Variants in ZMYND8 observed in about 807,000 individuals in gnomAD.
ZMYND8 encodes the protein zinc finger MYND-type containing 8, also known as MYND-type zinc finger-containing chromatin reader ZMYND8.
Under a neutral mutation model 140.8 loss-of-function variants are expected in ZMYND8, and 37 were observed. The ratio of observed to expected loss-of-function variants is 0.26; its 90% CI spans 0.20 to 0.35. ZMYND8 has a LOEUF of 0.35. ZMYND8 is among the 10% of genes least tolerant of loss of function. The probability of loss-of-function intolerance (pLI) is 1.00; values close to 1 mark genes in which losing one functional copy is unlikely to be tolerated. For missense variants in ZMYND8, 1,068 were observed against 1,570.0 expected (o/e 0.68, Z 5.40); for synonymous variants, 592 against 597.1 (o/e 0.99, Z 0.12).
chr20:47,226,019 T>G (rs2037661932), intron 18 of ZMYND8, among the ~76,000 whole-genome samples: 1 of 151,426 alleles, frequency 6.6e-6, no homozygotes. Flanking sequence ...GGCATGGTGG[T>G]GCATGCCTGT....
At chr20:47,279,771 T>A (rs1034759526) in intron 10 of ZMYND8, among the ~76,000 whole-genome samples, 6 of 149,140 alleles carry the variant, frequency 4.0e-5, no homozygotes, top group South Asian at 2.1e-4. Flanking sequence ...TTTTTTTTTT[T>A]AACTCTGCAG....
intron 11 of ZMYND8, among the ~76,000 whole-genome samples, chr20:47,266,331 G>A (rs994653195): frequency 2.6e-5 from 4 of 152,194 alleles, no homozygotes; most frequent in Admixed American, 2.6e-4. Context: ...CCAGGCTGCA[G>A]TGCAATGGTG....
At chr20:47,230,299 T>TG (rs1311012258) in intron 16 of ZMYND8, among the ~76,000 whole-genome samples, 13 of 151,516 alleles carry the variant, frequency 8.6e-5, no homozygotes, top group African/African-American at 2.7e-4. Context: ...TTTTGTTGTT[T>TG]TTTTTTTTTT....
chr20:47,318,646 G>A (rs1208589353), intron 2 of ZMYND8: 2 of 432,112 alleles, frequency 4.6e-6, no homozygotes, highest in South Asian at 3.3e-5. Context: ...AACGCTGACC[G>A]TCTCTTAGAC....
At chr20:47,307,570 T>A (rs1040004529) in intron 3 of ZMYND8, among the ~76,000 whole-genome samples, 1 of 151,562 alleles carries the variant, frequency 6.6e-6, no homozygotes, top group Non-Finnish European at 1.5e-5. Context: ...CAAGACCCCA[T>A]CTCTTAAAAA....
At position 47,298,359 on chromosome 20, in the gene ZMYND8, GC is replaced by G; in HGVS notation, c.453+369del. The G allele has an allele frequency of 1.0e-6, 1 of 985,358 alleles. No individual in the cohort carries two copies. Among genetic ancestry groups the G allele is most frequent in the Non-Finnish European group, 1.2e-6 (1 of 829,922 alleles). The allele number at this position is 985,358 out of a possible 1,614,324, so 61.0% of individuals were successfully genotyped here. A position where few individuals can be genotyped will look rare whatever the true frequency, so the allele number is the denominator to read the frequency against. On this transcript the variant is annotated intron_variant, in intron 4 of 22. Transcript: ENST00000471951. The surrounding 1 kb of genome is among the most constrained non-coding windows in gnomAD (Gnocchi z 5.0). ...TGCTGATGATTCAATGATGCGGCAG[GC>G]AACAACATCCAAGACGGAGAAAACA...
chr20:47,280,147 T>C (rs1230780060), intron 10 of ZMYND8, among the ~76,000 whole-genome samples: 1 of 135,864 alleles, frequency 7.4e-6, no homozygotes. Context: ...AAAAAAAGAA[T>C]GGTGGTCAGA....
At chr20:47,343,595 T>A (rs1440886314) in intron 2 of ZMYND8, among the ~76,000 whole-genome samples, 2 of 152,130 alleles carry the variant, frequency 1.3e-5, no homozygotes, top group African/African-American at 4.8e-5. Flanking sequence ...CACTGCAACC[T>A]CCGCCTCTCG....
At chr20:47,344,696 G>A (rs1378461682) in intron 2 of ZMYND8, among the ~76,000 whole-genome samples, 1 of 152,236 alleles carries the variant, frequency 6.6e-6, no homozygotes, top group African/African-American at 2.4e-5. Context: ...AGTGTATGAT[G>A]TTAATAATAG....
At chr20:47,295,431 G>A (rs1318489864) in intron 4 of ZMYND8, among the ~76,000 whole-genome samples, 6 of 151,970 alleles carry the variant, frequency 3.9e-5, no homozygotes, top group African/African-American at 9.7e-5. Flanking sequence ...TAAAGGCCAC[G>A]GATGATTTCA....
At chr20:47,349,668 A>C (rs2082612935) in intron 1 of ZMYND8, among the ~76,000 whole-genome samples, 1 of 152,206 alleles carries the variant, frequency 6.6e-6, no homozygotes, top group East Asian at 1.9e-4. Flanking sequence ...CTTCAAAGGA[A>C]CAAATAGCAA....
At chr20:47,224,673 G>A (rs2037432441) in intron 18 of ZMYND8, 117 bp from the exon 19 acceptor site, 2 of 1,535,724 alleles carry the variant, frequency 1.3e-6, no homozygotes, top group African/African-American at 2.7e-5. Flanking sequence ...GAGAAGCCCT[G>A]GCTGTGTGCC....
At chr20:47,356,506 CAAA>C in intron 1 of ZMYND8, 148 bp downstream of exon 1, 1 of 1,602,818 alleles carries the variant, frequency 6.2e-7, no homozygotes, top group Non-Finnish European at 8.5e-7. Flanking sequence ...CCCAAGAAAG[CAAA>C]AAAATTCTCT....
At position 47,246,307 on chromosome 20, in the gene ZMYND8, A is replaced by G. The variant is rs2040554585; in HGVS notation, c.1985T>C (p.Val662Ala). 6.2e-7 allele frequency: 1 copy of G among 1,612,962 alleles called. No homozygotes were observed. The highest frequency in any genetic ancestry group is 1.7e-5 in the Admixed American group (1 of 59,900). Reference sequence around the variant, plus strand: ...GCTTTTCAGCTCCTCTTTAATCTCCACTGGGTTTGTAGGCTTGGGCTTTTT... The same window carrying G: ...GCTTTTCAGCTCCTCTTTAATCTCCGCTGGGTTTGTAGGCTTGGGCTTTTT... Reference protein sequence around the residue: ...VKKKPKPTNPVEIKEELKSTS... With the variant: ...VKKKPKPTNPAEIKEELKSTS... The change falls in exon 14 of 23, where the codon GTG becomes GCG. Residue 662 changes from valine (V) to alanine (A), a missense_variant. Coordinates refer to ENST00000471951, the MANE Select transcript of ZMYND8 (RefSeq NM_001281775.3).
intron 3 of ZMYND8, among the ~76,000 whole-genome samples, chr20:47,301,003 C>G (rs1391796208): frequency 2.0e-5 from 3 of 151,472 alleles, no homozygotes; most frequent in African/African-American, 7.3e-5. Context: ...AGAGGTTTTA[C>G]TGTTCCCAAA....
At chr20:47,263,937 G>A (rs2075324968) in intron 11 of ZMYND8, among the ~76,000 whole-genome samples, 1 of 152,162 alleles carries the variant, frequency 6.6e-6, no homozygotes, top group Non-Finnish European at 1.5e-5. Flanking sequence ...CTGATTCTCA[G>A]CTATGAGCAA....
chr20:47,231,207 C>T (rs2038431586), intron 16 of ZMYND8, among the ~76,000 whole-genome samples: 1 of 152,194 alleles, frequency 6.6e-6, no homozygotes, highest in African/African-American at 2.4e-5. Context: ...CTACCTCCCA[C>T]CTGCCAGCTG....
chr20:47,291,943 A>G, intron 5 of ZMYND8, 55 bp from the exon 6 acceptor site: 1 of 1,479,780 alleles, frequency 6.8e-7, no homozygotes, highest in Non-Finnish European at 9.3e-7. Flanking sequence ...TGGAAAACCA[A>G]GCATTAATGC....
At chr20:47,341,627 T>C (rs1003736820) in intron 2 of ZMYND8, among the ~76,000 whole-genome samples, 11 of 151,796 alleles carry the variant, frequency 7.2e-5, no homozygotes, top group Non-Finnish European at 1.5e-4. Context: ...TCCCAGCACT[T>C]TGGGAGGCCG....
Sources: gnomAD v4.1 joint callset for allele counts (sites outside exome capture counted in the v4.1 genomes callset) on GRCh38, gnomAD v4.1.1 for gene constraint, Gnocchi (gnomAD v3.1) non-coding constraint, MANE v1.5 for transcripts, NCBI Gene and HGNC (gene_info 2026-07-23, HGNC 2026-07-21) for gene names.